SLC13A1: variants seen among roughly 807,000 people sequenced by gnomAD.
The protein encoded by SLC13A1 is solute carrier family 13 member 1.
Under a neutral mutation model 70.0 loss-of-function variants are expected in SLC13A1, and 65 were observed. The observed-to-expected ratio is 0.93, with a 90% CI of 0.76 to 1.14. SLC13A1 has a LOEUF of 1.14. Ranked by LOEUF, SLC13A1 falls within the 50% of genes most tolerant of loss-of-function variation. The pLI is 0.00. For synonymous variants in SLC13A1, 275 were observed against 250.5 expected (o/e 1.10, Z -0.92); for missense variants, 726 against 717.8 (o/e 1.01, Z -0.13).
chr7:123,129,626 T>C, intron 8 of SLC13A1, 145 bp from the exon 9 acceptor site: 2 of 610,308 alleles, frequency 3.3e-6, no homozygotes, highest in African/African-American at 1.9e-5. Context: ...ATAACAGATA[T>C]CTGTGCTTTT....
At chr7:123,195,373 T>C (rs1796145074) in intron 1 of SLC13A1, among the ~76,000 whole-genome samples, 1 of 152,030 alleles carries the variant, frequency 6.6e-6, no homozygotes, top group Non-Finnish European at 1.5e-5. Context: ...TTTCCATTAA[T>C]ATATTTAATT....
At chr7:123,156,673 A>T (rs1019576226) in intron 6 of SLC13A1, among the ~76,000 whole-genome samples, 6 of 152,058 alleles carry the variant, frequency 3.9e-5, no homozygotes, top group African/African-American at 9.7e-5. Context: ...CTGTAAAGAA[A>T]TTTTTTTTAT....
rs372629105 is a variant in SLC13A1 at position 123,183,630 on chromosome 7, G to A, written c.100-2529C>T. On this transcript the variant is annotated intron_variant, in intron 1 of 14. Transcript: ENST00000194130. The stretch of plus-strand genomic sequence containing the variant: ...TCTGCCTGGTCCATGAACCAGCAGC[G>A]TCAGCATAATCTGGGCACTTGTGAG... Among the ~76,000 whole-genome samples, 154 of 152,236 alleles carry A rather than the reference G, an allele frequency of 1.0e-3. 1 individual carries two copies. Among genetic ancestry groups the A allele is most frequent in the African/African-American group, 3.0e-3 (123 of 41,538 alleles).
In SLC13A1 at chr7:123,127,866, T is replaced by G. The variant is rs999829620; in HGVS notation, c.1133+979A>C. 1.4e-4 allele frequency among the ~76,000 whole-genome samples: 18 copies of G among 125,114 alleles called. No individual in the cohort carries two copies. In the South Asian group the frequency reaches 2.0e-3, roughly 14 times the overall value. The allele number at this position is 125,114 out of a possible 152,430, so 82.1% of individuals were successfully genotyped here. A position where few individuals can be genotyped will look rare whatever the true frequency, so the allele number is the denominator to read the frequency against. ...TTTTTTTTTTTTTTTTTTTTTTTTT[T>G]GCTGGGGGATTTGAGACAGGAAGTC... On this transcript the variant is annotated intron_variant, in intron 10 of 14. Coordinates refer to ENST00000194130, the MANE Select transcript of SLC13A1 (RefSeq NM_022444.4).
chr7:123,120,832 A>G (rs1793352682), intron 12 of SLC13A1, among the ~76,000 whole-genome samples: 1 of 152,052 alleles, frequency 6.6e-6, no homozygotes, highest in Admixed American at 6.6e-5. Flanking sequence ...GGTTTTATCT[A>G]TGTCTAATTA....
chr7:123,156,856 T>G (rs1329154571), intron 6 of SLC13A1, among the ~76,000 whole-genome samples: 1 of 152,090 alleles, frequency 6.6e-6, no homozygotes, highest in Admixed American at 6.6e-5. Context: ...GATGAATCAC[T>G]GACAACTCTC....
At chr7:123,120,604 G>A (rs1371469358) in intron 12 of SLC13A1, among the ~76,000 whole-genome samples, 2 of 152,006 alleles carry the variant, frequency 1.3e-5, no homozygotes, top group Non-Finnish European at 2.9e-5. Context: ...ACAACTAGAA[G>A]TGGCATGAGA....
chr7:123,115,669 G>T lies in SLC13A1; in HGVS notation c.1651-14C>A, dbSNP rs1266352621. 6 of 1,612,552 alleles carry T rather than the reference G, an allele frequency of 3.7e-6. No individual in the cohort carries two copies. Among genetic ancestry groups the T allele is most frequent in the Non-Finnish European group, 5.1e-6 (6 of 1,179,134 alleles). On this transcript the variant is annotated splice_polypyrimidine_tract_variant and intron_variant, in intron 14 of 14. Coordinates refer to ENST00000194130, the MANE Select transcript of SLC13A1 (RefSeq NM_022444.4). ...TCCAGCTTTAACCTTGAACAGGAAA[G>T]AGCATAAATGTCAGTGTCCCAGAAG... is the stretch of plus-strand genomic sequence containing the variant.
At chr7:123,130,745 CTA>C (rs1793728886) in intron 8 of SLC13A1, among the ~76,000 whole-genome samples, 2 of 152,042 alleles carry the variant, frequency 1.3e-5, no homozygotes, top group South Asian at 4.2e-4. Flanking sequence ...AAGTAAAACT[CTA>C]TTACATTTTT....
At chr7:123,197,857 T>A (rs940082102) in intron 1 of SLC13A1, among the ~76,000 whole-genome samples, 2 of 152,186 alleles carry the variant, frequency 1.3e-5, no homozygotes, top group African/African-American at 4.8e-5. Context: ...TGATTGCTTT[T>A]GATTTATTTA....
At position 123,134,447 on chromosome 7, in the gene SLC13A1, A is replaced by T; in HGVS notation, c.895T>A (p.Ser299Thr). Reference sequence around the variant, plus strand: ...AAAAGCCACTGAAGCCAGATCCAGGATAAGAGTAGAATGATAAGGGCAGCT... The same window carrying T: ...AAAAGCCACTGAAGCCAGATCCAGGTTAAGAGTAGAATGATAAGGGCAGCT... The part of the protein sequence containing the change: ...FPAALIILLL[S>T]WIWLQWLFLG... The change falls in exon 8 of 15, where the codon TCC (serine) becomes ACC (threonine). Residue 299 changes from serine to threonine, a missense_variant. Physicochemically the swap from Ser to Thr is moderately conservative, Grantham distance 58. Coordinates refer to ENST00000194130, the MANE Select transcript of SLC13A1 (RefSeq NM_022444.4). 6.2e-7 allele frequency: 1 copy of T among 1,613,488 alleles called. No homozygotes were observed. The highest frequency in any genetic ancestry group is 8.5e-7 in the Non-Finnish European group (1 of 1,179,590).
intron 10 of SLC13A1, 127 bp downstream of exon 10, chr7:123,128,718 T>A: frequency 1.5e-6 from 1 of 653,924 alleles, no homozygotes; most frequent in Non-Finnish European, 2.7e-6. Context: ...GATTAGAACT[T>A]AAAATATCTT....
At chr7:123,158,384 T>C (rs1288596379) in intron 6 of SLC13A1, among the ~76,000 whole-genome samples, 3 of 151,992 alleles carry the variant, frequency 2.0e-5, no homozygotes, top group South Asian at 2.1e-4. Context: ...AAAATAGACA[T>C]AGCTAAAGAG....
intron 11 of SLC13A1, among the ~76,000 whole-genome samples, chr7:123,123,610 G>A (rs1273736645): frequency 1.3e-5 from 2 of 152,072 alleles, no homozygotes; most frequent in Admixed American, 6.6e-5. Flanking sequence ...TATGCAAAAT[G>A]TCCATAATAT....
intron 2 of SLC13A1, among the ~76,000 whole-genome samples, chr7:123,175,915 G>T (rs1054537264): frequency 2.0e-5 from 3 of 152,194 alleles, no homozygotes; most frequent in Non-Finnish European, 4.4e-5. Flanking sequence ...TGGGTTATAT[G>T]AGGAGTTAGC....
At chr7:123,178,498 A>G (rs2116602061) in intron 2 of SLC13A1, among the ~76,000 whole-genome samples, 1 of 152,282 alleles carries the variant, frequency 6.6e-6, no homozygotes, top group Middle Eastern at 3.4e-3. Flanking sequence ...TGTTTAACAT[A>G]CATTATTTAA....
intron 10 of SLC13A1, among the ~76,000 whole-genome samples, chr7:123,128,498 C>T (rs1793640680): frequency 1.3e-5 from 2 of 152,048 alleles, no homozygotes; most frequent in African/African-American, 4.8e-5. Context: ...CAGTGTGGCT[C>T]TGAAATCTAT....
intron 13 of SLC13A1, among the ~76,000 whole-genome samples, chr7:123,118,733 C>T (rs554128718): frequency 1.1e-4 from 17 of 151,966 alleles, no homozygotes; most frequent in Non-Finnish European, 1.9e-4. Flanking sequence ...AAAGTGTCAG[C>T]GGTAGAGATC....
chr7:123,194,254 G>A (rs534377563), intron 1 of SLC13A1, among the ~76,000 whole-genome samples: 1 of 152,218 alleles, frequency 6.6e-6, no homozygotes, highest in South Asian at 2.1e-4. Flanking sequence ...TTCCCAAGAA[G>A]GGTGAGGTAA....
Sources: allele counts gnomAD v4.1 joint callset (sites outside exome capture counted in the v4.1 genomes callset), GRCh38; gene constraint gnomAD v4.1.1; transcripts MANE v1.5; gene names NCBI Gene and HGNC (gene_info 2026-07-23, HGNC 2026-07-21).